Variants in CRTC2 observed in about 807,000 individuals in gnomAD.
CRTC2 encodes CREB regulated transcription coactivator 2.
CRTC2 carries 25 observed loss-of-function variants against 70.9 expected under a neutral mutation model. The ratio of observed to expected loss-of-function variants is 0.35; its 90% CI spans 0.26 to 0.49. The LOEUF is 0.49. CRTC2 is among the 20% of genes least tolerant of loss of function. The pLI, the probability that CRTC2 is intolerant of heterozygous loss-of-function variation, is 0.98. For missense variants in CRTC2, 737 were observed against 882.6 expected, an observed-to-expected ratio of 0.83 and a Z score of 2.09; for synonymous variants, 330 against 364.1, an observed-to-expected ratio of 0.91 and a Z score of 1.07.
Position 153,958,408 on chromosome 1 carries a change from C to T in CRTC2, c.90G>A (p.Lys30=). The T allele has an allele frequency of 2.5e-6, 4 of 1,613,468 alleles. No homozygotes were observed. The South Asian group carries it at 3.3e-5, about 13-fold the overall frequency. The stretch of plus-strand genomic sequence containing the variant: ...CCGCCGTCTCCTCGGCCTGACGCTG[C>T]TTCTGCAGCGCAATCTTCTCACTAA... ...RKFSEKIALQ[K]QRQAEETAAF... Residue 30 remains lysine (K), a synonymous_variant, in exon 1 of 14, where the codon AAG becomes AAA. Transcript: ENST00000368633.
intron 4 of CRTC2, among the ~76,000 whole-genome samples, chr1:153,953,885 G>C (rs555921292): frequency 1.3e-5 from 2 of 152,254 alleles, no homozygotes; most frequent in East Asian, 1.9e-4. Context: ...ATGGACAAGG[G>C]GAGAGTTTAA....
chr1:153,948,632 T>A lies in CRTC2; in HGVS notation c.1687A>T (p.Ser563Cys). 1 of 1,587,396 alleles carries A rather than the reference T, an allele frequency of 6.3e-7. No individual in the cohort carries two copies. Among genetic ancestry groups the A allele is most frequent in the South Asian group, 1.2e-5 (1 of 86,920 alleles). The change falls in exon 13 of 14, where the codon AGC (serine) becomes TGC (cysteine). Residue 563 changes from serine to cysteine, a missense_variant. Coordinates refer to ENST00000368633, the MANE Select transcript of CRTC2 (RefSeq NM_181715.3). ...AGGCTGGCTGATGGGCTCTCCATGC[T>A]GAACTGCTCCAGCTATAGACATACA... ...DFNLGNLEQF[S>C]MESPSASLVL...
At chr1:153,948,361 T>C (rs1282690615) in intron 13 of CRTC2, 32 bp from the exon 14 acceptor site, 2 of 1,613,188 alleles carry the variant, frequency 1.2e-6, no homozygotes, top group African/African-American at 1.3e-5. Context: ...GAGGACCCCA[T>C]GTCCTGTAAA....
Position 153,953,552 on chromosome 1 carries a change from T to C in CRTC2, c.489A>G (p.Pro163=), listed in dbSNP as rs200510096. The change falls in exon 5 of 14, where the codon CCA becomes CCG. Residue 163 remains proline (P), a synonymous_variant. Coordinates refer to ENST00000368633, the MANE Select transcript of CRTC2 (RefSeq NM_181715.3). ...AAAGCCATCACCTGTTAAGTGCAGA[T>C]GGTAGTCGAAACAACTGCCCCTTCT... The part of the protein sequence containing the change: ...PAEKGQLFRL[P]SALNRTSSDS... The C allele has an allele frequency of 1.2e-6, 2 of 1,611,410 alleles. No individual in the cohort carries two copies. Among genetic ancestry groups the C allele is most frequent in the East Asian group, 4.5e-5 (2 of 44,740 alleles).
At chr1:153,949,512 C>A (rs577768506) in intron 11 of CRTC2, 128 bp from the exon 12 acceptor site, 4 of 1,022,146 alleles carry the variant, frequency 3.9e-6, no homozygotes, top group African/African-American at 1.6e-5. Flanking sequence ...CACATTCTCA[C>A]GGGCATCCCT....
intron 12 of CRTC2, 167 bp from the exon 13 acceptor site, chr1:153,948,811 C>G: frequency 1.2e-6 from 1 of 823,802 alleles, no homozygotes; most frequent in Non-Finnish European, 2.0e-6. Flanking sequence ...GCACGGGGCC[C>G]GAAGTAAGTA....
intron 4 of CRTC2, among the ~76,000 whole-genome samples, chr1:153,953,831 C>G (rs993731236): frequency 6.6e-6 from 1 of 152,174 alleles, no homozygotes; most frequent in Non-Finnish European, 1.5e-5. Flanking sequence ...GAATGGGAAT[C>G]TTGGAGCCCA....
intron 10 of CRTC2, 101 bp downstream of exon 10, chr1:153,951,917 G>A: frequency 6.9e-7 from 1 of 1,456,592 alleles, no homozygotes; most frequent in South Asian, 1.3e-5. Context: ...GACAGGCGGT[G>A]TGGGTGATCA....
In CRTC2 at chr1:153,957,591, G is replaced by A. The variant is rs115183492; in HGVS notation, c.153+754C>T. On this transcript the variant is annotated intron_variant, in intron 1 of 13. Transcript: ENST00000368633. Reference sequence around the variant, plus strand: ...GAATGAATATTCTCAACACATAGAAGACCCTCCAAGGCACCCTACACACTA... The same window carrying A: ...GAATGAATATTCTCAACACATAGAAAACCCTCCAAGGCACCCTACACACTA... Among the ~76,000 whole-genome samples the A allele has an allele frequency of 8.0e-3, 1,217 of 152,102 alleles. 17 individuals carry two copies. Among genetic ancestry groups the A allele is most frequent in the African/African-American group, 0.028 (1,173 of 41,468 alleles).
At chr1:153,955,202 G>C (rs776297160) in intron 1 of CRTC2, 36 bp from the exon 2 acceptor site, 1 of 1,480,778 alleles carries the variant, frequency 6.8e-7, no homozygotes, top group East Asian at 2.3e-5. Context: ...TGTCAGGAGG[G>C]TCCTGAGCAC....
At chr1:153,955,460 G>A (rs1404540170) in intron 1 of CRTC2, among the ~76,000 whole-genome samples, 2 of 151,216 alleles carry the variant, frequency 1.3e-5, no homozygotes, top group Non-Finnish European at 2.9e-5. Flanking sequence ...CCAGTTACTC[G>A]GGAGGCTGAG....
chr1:153,953,658 G>C (rs1039522999), intron 4 of CRTC2, 52 bp from the exon 5 acceptor site: 3 of 1,344,766 alleles, frequency 2.2e-6, no homozygotes, highest in African/African-American at 2.9e-5. Flanking sequence ...TGGACAAGAA[G>C]GTGGGCATAG....
In CRTC2 at chr1:153,952,051, C is replaced by T. The variant is rs758294887; in HGVS notation, c.964G>A (p.Gly322Ser). ...HTMTHLGISR[G>S]MGLGPGYDAP... ...TCATAGCCTGGGCCCAGGCCCATGCCCCTGCTGATGCCCAGGTGAGTCATG... is the reference window on the plus strand; with the variant it reads ...TCATAGCCTGGGCCCAGGCCCATGCTCCTGCTGATGCCCAGGTGAGTCATG... The change falls in exon 10 of 14, where the codon GGC becomes AGC. Residue 322 changes from glycine to serine, a missense_variant. Coordinates refer to ENST00000368633, the MANE Select transcript of CRTC2 (RefSeq NM_181715.3). The T allele has an allele frequency of 1.9e-6, 3 of 1,613,856 alleles. No homozygotes were observed. In the African/African-American group the frequency reaches 4.0e-5, roughly 22 times the overall value.
At chr1:153,950,391 G>C (rs758432567) in intron 11 of CRTC2, among the ~76,000 whole-genome samples, 2 of 152,218 alleles carry the variant, frequency 1.3e-5, no homozygotes, top group African/African-American at 4.8e-5. Flanking sequence ...TCTGGGAACA[G>C]AGCCCTTGCT....
chr1:153,952,908 G>A (rs1050483977), intron 6 of CRTC2, 74 bp from the exon 7 acceptor site: 1 of 1,567,970 alleles, frequency 6.4e-7, no homozygotes, highest in South Asian at 1.1e-5. Context: ...TGGAGGCCGG[G>A]TATGGTGGCT....
At chr1:153,953,720 C>T in intron 4 of CRTC2, 114 bp from the exon 5 acceptor site, 1 of 641,176 alleles carries the variant, frequency 1.6e-6, no homozygotes, top group South Asian at 2.0e-5. Context: ...GCTGAGCACC[C>T]AGATCATCCC....
chr1:153,958,462 G>A lies in CRTC2; in HGVS notation c.36C>T (p.Ala12=), dbSNP rs1367361965. 1.3e-5 allele frequency: 21 copies of A among 1,612,202 alleles called. No homozygotes were observed. Among genetic ancestry groups the A allele is most frequent in the Non-Finnish European group, 1.6e-5 (19 of 1,178,988 alleles). The change falls in exon 1 of 14, where the codon GCC becomes GCT. Residue 12 remains alanine, a synonymous_variant. Coordinates refer to ENST00000368633, the MANE Select transcript of CRTC2 (RefSeq NM_181715.3). ...ATSGANGPGS[A]TASASNPRKF... is the part of the protein sequence containing the mutation. Reference sequence around the variant, plus strand: ...TGCGCGGATTGGAAGCCGAGGCCGTGGCCGAACCAGGCCCGTTCGCCCCCG... The same window carrying A: ...TGCGCGGATTGGAAGCCGAGGCCGTAGCCGAACCAGGCCCGTTCGCCCCCG...
chr1:153,956,566 C>T (rs778377797), intron 1 of CRTC2, among the ~76,000 whole-genome samples: 4 of 152,162 alleles, frequency 2.6e-5, no homozygotes, highest in Non-Finnish European at 2.9e-5. Context: ...CATTCTGTTC[C>T]AGGAGGTCAG....
chr1:153,956,774 T>C (rs965336970), intron 1 of CRTC2, among the ~76,000 whole-genome samples: 41 of 152,194 alleles, frequency 2.7e-4, no homozygotes, highest in African/African-American at 9.7e-4. Context: ...TGGCCATGTA[T>C]GCCCACTAGA....
Sources: allele counts gnomAD v4.1 joint callset (sites outside exome capture counted in the v4.1 genomes callset), GRCh38; gene constraint gnomAD v4.1.1; transcripts MANE v1.5; gene names NCBI Gene and HGNC (gene_info 2026-07-23, HGNC 2026-07-21).